Variants in SNX29 observed in about 807,000 individuals in gnomAD.
The protein encoded by SNX29 is sorting nexin 29.
A neutral mutation model predicts 102.1 loss-of-function variants in SNX29; 78 were observed. The observed-to-expected ratio is 0.76, with a 90% confidence interval of 0.64 to 0.92. SNX29 has a LOEUF of 0.92. Among genes scored for constraint, SNX29 ranks in the 40% least tolerant of loss-of-function variants. The probability of loss-of-function intolerance (pLI) is 0.00; values close to 1 mark genes in which losing one functional copy is unlikely to be tolerated. For missense variants in SNX29, 1,280 were observed against 1,061.7 expected (o/e 1.21, Z -2.86); for synonymous variants, 580 against 414.5 (o/e 1.40, Z -4.85).
chr16:12,095,986 G>C (rs975330045), intron 11 of SNX29, among the ~76,000 whole-genome samples: 2 of 152,248 alleles, frequency 1.3e-5, no homozygotes, highest in Non-Finnish European at 2.9e-5. Flanking sequence ...AAATGAAGTT[G>C]AGGAGTGCTG....
At chr16:12,514,357 C>A (rs953116966) in intron 19 of SNX29, among the ~76,000 whole-genome samples, 2 of 152,092 alleles carry the variant, frequency 1.3e-5, no homozygotes, top group African/African-American at 4.8e-5. Context: ...ATCTTGTGGT[C>A]CCCCTAAGCT....
intron 13 of SNX29, among the ~76,000 whole-genome samples, chr16:12,150,089 C>G (rs2055233198): frequency 6.6e-6 from 1 of 152,030 alleles, no homozygotes; most frequent in Admixed American, 6.6e-5. Flanking sequence ...GGAGTTTGGC[C>G]TCGGTTCTGT....
At chr16:12,538,550 A>C (rs1597816014) in intron 20 of SNX29, among the ~76,000 whole-genome samples, 3 of 152,240 alleles carry the variant, frequency 2.0e-5, no homozygotes, top group African/African-American at 4.8e-5. Context: ...ATGGGCTAGG[A>C]GGCTTAACTG....
chr16:12,438,893 G>T (rs2085663378), intron 18 of SNX29, among the ~76,000 whole-genome samples: 1 of 152,200 alleles, frequency 6.6e-6, no homozygotes, highest in Non-Finnish European at 1.5e-5. Context: ...AGAACTGGAA[G>T]ATCTACCTGG....
At chr16:12,562,373 T>A (rs1200632458) in intron 20 of SNX29, among the ~76,000 whole-genome samples, 1 of 140,330 alleles carries the variant, frequency 7.1e-6, no homozygotes, top group Admixed American at 6.9e-5. Context: ...TGCACCATTT[T>A]TTAAAACAGC....
chr16:12,552,075 A>G (rs141705689), intron 20 of SNX29, among the ~76,000 whole-genome samples: 25 of 152,254 alleles, frequency 1.6e-4, no homozygotes, highest in African/African-American at 6.0e-4. Flanking sequence ...TCTCTGTCTC[A>G]ATCACTCAAC....
Position 11,996,555 on chromosome 16 carries a change from A to G in SNX29, c.8-2742A>G, listed in dbSNP as rs148183848. Among the ~76,000 whole-genome samples, 13 of 152,100 alleles carry G rather than the reference A, an allele frequency of 8.5e-5. No homozygotes were observed. In the East Asian group the frequency reaches 2.1e-3, roughly 25 times the overall value. ...TGTTATTATTCTATTTTTTTCCTGC[A>G]TGAATTGCTTTTATGATGAGAAAAA... On this transcript the variant is annotated intron_variant, in intron 1 of 20. Coordinates refer to ENST00000566228, the MANE Select transcript of SNX29 (RefSeq NM_032167.5).
At chr16:12,056,871 T>G (rs958677103) in intron 8 of SNX29, among the ~76,000 whole-genome samples, 15 of 152,182 alleles carry the variant, frequency 9.9e-5, no homozygotes, top group Admixed American at 5.9e-4. Context: ...TCATCCAGGC[T>G]GGAGTGCAGT....
chr16:12,492,113 C>T (rs908816596), intron 19 of SNX29, among the ~76,000 whole-genome samples: 2 of 152,198 alleles, frequency 1.3e-5, no homozygotes, highest in Admixed American at 6.5e-5. Flanking sequence ...ACACTGACTT[C>T]CACAATGGTT....
Position 12,371,872 on chromosome 16 carries a change from C to T in SNX29, c.1899+15593C>T, listed in dbSNP as rs558422604. Among the ~76,000 whole-genome samples, 364 of 152,294 alleles carry T rather than the reference C, an allele frequency of 2.4e-3. 5 individuals are homozygous for T. Among genetic ancestry groups the T allele is most frequent in the South Asian group, 0.011 (52 of 4,818 alleles). ...GTCTTTTCGTCTGCTCTTTCTCCAC[C>T]GAGTCCTGTCCCTCAGCATTTGCTC... is the stretch of plus-strand genomic sequence containing the variant. On this transcript the variant is annotated intron_variant, in intron 16 of 20. Transcript: ENST00000566228.
chr16:12,292,681 C>G (rs192902311), intron 15 of SNX29, among the ~76,000 whole-genome samples: 335 of 152,300 alleles, frequency 2.2e-3, no homozygotes, highest in Non-Finnish European at 3.8e-3. Flanking sequence ...GCGTTGACTC[C>G]AGGTGCCCCG....
At chr16:12,225,539 G>T (rs371385609) in intron 14 of SNX29, among the ~76,000 whole-genome samples, 1 of 152,174 alleles carries the variant, frequency 6.6e-6, no homozygotes, top group Admixed American at 6.5e-5. Context: ...TGCCATGATT[G>T]TGAGGCCTCT....
At chr16:12,421,496 C>T (rs2084868961) in intron 18 of SNX29, among the ~76,000 whole-genome samples, 1 of 152,172 alleles carries the variant, frequency 6.6e-6, no homozygotes, top group Non-Finnish European at 1.5e-5. Context: ...GATTTGATTT[C>T]CCTTAACACA....
intron 15 of SNX29, among the ~76,000 whole-genome samples, chr16:12,344,561 A>G (rs2081727637): frequency 1.3e-5 from 2 of 152,182 alleles, no homozygotes; most frequent in South Asian, 4.1e-4. Flanking sequence ...AGAATCTGAG[A>G]ATTTTCAGAT....
intron 13 of SNX29, among the ~76,000 whole-genome samples, chr16:12,190,746 C>T (rs997942577): frequency 1.3e-5 from 2 of 152,010 alleles, no homozygotes; most frequent in Admixed American, 1.3e-4. Context: ...CTCTGGGAGC[C>T]CTGACAGCTG....
In SNX29 at chr16:12,139,979, T is replaced by TGAAAA. The variant is rs144110763; in HGVS notation, c.1595+10221_1595+10222insGAAAA. ...CTGGGAGACAGAGAGATACCCTGTC[T>TGAAAA]CAAAAAAAAAAAAAAAAAAAAAAAA... On this transcript the variant is annotated intron_variant, in intron 13 of 20. Coordinates refer to ENST00000566228, the MANE Select transcript of SNX29 (RefSeq NM_032167.5). Among the ~76,000 whole-genome samples, 252 of 63,046 alleles carry TGAAAA rather than the reference T, an allele frequency of 4.0e-3. 19 individuals carry two copies. The highest frequency in any genetic ancestry group is 0.015 in the African/African-American group (230 of 15,490). The allele number at this position is 63,046 out of a possible 152,430, so 41.4% of individuals were successfully genotyped here.
chr16:12,173,264 CAG>C (rs1303762904), intron 13 of SNX29, among the ~76,000 whole-genome samples: 2 of 152,168 alleles, frequency 1.3e-5, no homozygotes, highest in Non-Finnish European at 2.9e-5. Flanking sequence ...GCCAGGCTTG[CAG>C]AGAGTTACAT....
chr16:12,121,613 C>T (rs350204), intron 11 of SNX29, among the ~76,000 whole-genome samples: 18,984 of 152,158 alleles, frequency 0.12, 1,790 homozygotes, highest in African/African-American at 0.26. Context: ...TCGGCACTTT[C>T]TCTGTGGCTG....
chr16:12,318,432 G>A (rs1004906305), intron 15 of SNX29, among the ~76,000 whole-genome samples: 9 of 152,162 alleles, frequency 5.9e-5, no homozygotes, highest in Admixed American at 5.2e-4. Context: ...GTCAGAGTCG[G>A]GAACGTGACT....
Sources: gnomAD v4.1 joint callset for allele counts (sites outside exome capture counted in the v4.1 genomes callset) on GRCh38, gnomAD v4.1.1 for gene constraint, MANE v1.5 for transcripts, NCBI Gene and HGNC (gene_info 2026-07-23, HGNC 2026-07-21) for gene names.